PDE12: variants seen among roughly 807,000 people sequenced by gnomAD.
The protein encoded by PDE12 is phosphodiesterase 12, also known as 2',5'-phosphodiesterase 12.
PDE12 carries 26 observed loss-of-function variants against 45.4 expected under a neutral mutation model. The ratio of observed to expected loss-of-function variants is 0.57; its 90% CI spans 0.42 to 0.79. PDE12 has a LOEUF of 0.79. Among genes scored for constraint, PDE12 ranks in the 30% least tolerant of loss-of-function variants. The pLI, the probability that PDE12 is intolerant of heterozygous loss-of-function variation, is 0.00. For missense variants in PDE12, 668 were observed against 790.0 expected (o/e 0.85, Z 1.85); for synonymous variants, 283 against 323.9 (o/e 0.87, Z 1.36).
the PDE12 span, among the ~76,000 whole-genome samples, chr3:57,656,197 G>A: frequency 6.6e-6 from 1 of 152,046 alleles, no homozygotes; most frequent in South Asian, 2.1e-4. Context: ...TCCTCCCCCA[G>A]CCCCAGGTAA....
At chr3:57,570,376 CTTT>C (rs1241352591), downstream of PDE12, among the ~76,000 whole-genome samples, 1 of 128,918 alleles carries the variant, frequency 7.8e-6, no homozygotes. Flanking sequence ...ACACCAGACC[CTTT>C]TTTTTTTTTT....
the PDE12 span, among the ~76,000 whole-genome samples, chr3:57,636,737 G>C: frequency 6.6e-6 from 1 of 152,040 alleles, no homozygotes; most frequent in Non-Finnish European, 1.5e-5. Context: ...AGGAGTTCCA[G>C]ACCATCCTGG....
the PDE12 span, chr3:57,597,164 G>A: frequency 1.2e-6 from 2 of 1,604,362 alleles, no homozygotes; most frequent in Non-Finnish European, 1.7e-6. Context: ...CTTGTGATGG[G>A]CAGAAGCAGA....
chr3:57,629,254 A>G, the PDE12 span, among the ~76,000 whole-genome samples: 4 of 152,124 alleles, frequency 2.6e-5, no homozygotes, highest in African/African-American at 9.7e-5. Flanking sequence ...CTGAACATGA[A>G]TTTACTACTG....
chr3:57,620,349 G>C, the PDE12 span, among the ~76,000 whole-genome samples: 1 of 151,756 alleles, frequency 6.6e-6, no homozygotes, highest in Non-Finnish European at 1.5e-5. Context: ...CCAGGAGTTT[G>C]AGAGCACCCT....
chr3:57,604,199 G>T, the PDE12 span, among the ~76,000 whole-genome samples: 22 of 152,104 alleles, frequency 1.4e-4, no homozygotes, highest in African/African-American at 4.8e-4. Flanking sequence ...TGGGATACAG[G>T]CATGAGCCAC....
chr3:57,622,480 A>G, the PDE12 span, among the ~76,000 whole-genome samples: 1 of 152,208 alleles, frequency 6.6e-6, no homozygotes, highest in Non-Finnish European at 1.5e-5. Flanking sequence ...ACTTATAGAA[A>G]ACAAAATAGT....
chr3:57,579,671 C>T, the PDE12 span, among the ~76,000 whole-genome samples: 4 of 152,156 alleles, frequency 2.6e-5, no homozygotes, highest in South Asian at 2.1e-4. Flanking sequence ...ATTTTACATC[C>T]ATTAAATGAC....
chr3:57,630,353 A>G, the PDE12 span: 2 of 1,382,958 alleles, frequency 1.4e-6, no homozygotes, highest in Non-Finnish European at 2.0e-6. Flanking sequence ...ACAATCTTCA[A>G]CTTCTAAGCA....
At chr3:57,594,652 C>T in the PDE12 span, among the ~76,000 whole-genome samples, 3 of 152,230 alleles carry the variant, frequency 2.0e-5, no homozygotes, top group African/African-American at 7.2e-5. Flanking sequence ...CATCAGCTAA[C>T]TGCTATCTCC....
At chr3:57,591,560 G>A in the PDE12 span, among the ~76,000 whole-genome samples, 49 of 151,042 alleles carry the variant, frequency 3.2e-4, no homozygotes, top group African/African-American at 1.1e-3. Context: ...TCCACCTCCC[G>A]GGTTCAAGGG....
At chr3:57,634,612 A>G in the PDE12 span, 6 of 1,479,570 alleles carry the variant, frequency 4.1e-6, no homozygotes, top group African/African-American at 1.4e-5. Flanking sequence ...GCTTATATGA[A>G]GTATAAACTC....
the PDE12 span, among the ~76,000 whole-genome samples, chr3:57,624,797 T>C: frequency 6.6e-6 from 1 of 152,126 alleles, no homozygotes; most frequent in African/African-American, 2.4e-5. Flanking sequence ...ATGTAGTTGC[T>C]ACTTTTAAAA....
chr3:57,617,885 C>A, the PDE12 span, among the ~76,000 whole-genome samples: 71 of 146,948 alleles, frequency 4.8e-4, no homozygotes, highest in South Asian at 1.5e-3. Context: ...AAAAAAAAAA[C>A]AAAAAAACCA....
chr3:57,633,913 C>T, the PDE12 span, among the ~76,000 whole-genome samples: 1 of 151,616 alleles, frequency 6.6e-6, no homozygotes. Context: ...AGTGAGTTCA[C>T]TATAAAGACA....
At chr3:57,601,888 G>A in the PDE12 span, among the ~76,000 whole-genome samples, 1 of 150,942 alleles carries the variant, frequency 6.6e-6, no homozygotes, top group Non-Finnish European at 1.5e-5. Context: ...GGGACTACAG[G>A]TGCACACCAC....
chr3:57,586,004 GGA>G, the PDE12 span, among the ~76,000 whole-genome samples: 1 of 152,042 alleles, frequency 6.6e-6, no homozygotes, highest in African/African-American at 2.4e-5. Flanking sequence ...GTACAAGTAG[GGA>G]GGAATGTGTT....
chr3:57,638,904 A>G, the PDE12 span, among the ~76,000 whole-genome samples: 1 of 152,044 alleles, frequency 6.6e-6, no homozygotes, highest in African/African-American at 2.4e-5. Flanking sequence ...GGAGTTTAGG[A>G]CCAGCAACAT....
In PDE12 at chr3:57,561,425, AATAT is replaced by A. The variant is rs775351640; in HGVS notation, c.*1429_*1432del. The A allele has an allele frequency of 5.2e-6, 5 of 954,246 alleles. No homozygotes were observed. Among genetic ancestry groups the A allele is most frequent in the Non-Finnish European group, 3.7e-6 (3 of 801,344 alleles). The allele number at this position is 954,246 out of a possible 1,614,324, so 59.1% of individuals were successfully genotyped here. On this transcript the variant is annotated 3_prime_UTR_variant, in exon 3 of 3. Coordinates refer to ENST00000311180, the MANE Select transcript of PDE12 (RefSeq NM_177966.7). ...TACAGACAACAGTGTGTATATATGT[AATAT>A]ATATATAGTAAAATGAAATTTAAAT... is the stretch of plus-strand genomic sequence containing the variant.
Sources: allele counts gnomAD v4.1 joint callset (sites outside exome capture counted in the v4.1 genomes callset), GRCh38; gene constraint gnomAD v4.1.1; transcripts MANE v1.5; gene names NCBI Gene and HGNC (gene_info 2026-07-23, HGNC 2026-07-21).